Variants in GPHN observed in about 807,000 individuals in gnomAD.
GPHN encodes gephyrin.
Under a neutral mutation model 95.5 loss-of-function variants are expected in GPHN, and 17 were observed. The observed-to-expected ratio is 0.18, with a 90% CI of 0.12 to 0.27. The LOEUF (loss-of-function observed/expected upper bound fraction) is 0.27, where lower values mean the gene tolerates loss of function less well. Among genes scored for constraint, GPHN ranks in the 10% least tolerant of loss-of-function variants. The probability of loss-of-function intolerance (pLI) is 1.00; values close to 1 mark genes in which losing one functional copy is unlikely to be tolerated. For missense variants in GPHN, 660 were observed against 978.1 expected, an observed-to-expected ratio of 0.67 and a Z score of 4.34; for synonymous variants, 320 against 322.5, an observed-to-expected ratio of 0.99 and a Z score of 0.08.
At chr14:67,572,351 C>A in the GPHN span, 2 of 1,290,068 alleles carry the variant, frequency 1.6e-6, no homozygotes, top group African/African-American at 1.5e-5. Flanking sequence ...CAGCACAAGA[C>A]ATAGGCAGTA....
chr14:67,484,756 T>G, the GPHN span, among the ~76,000 whole-genome samples: 1 of 152,092 alleles, frequency 6.6e-6, no homozygotes, highest in South Asian at 2.1e-4. Context: ...AGACCTCATT[T>G]CTAATAAAGA....
the GPHN span, among the ~76,000 whole-genome samples, chr14:67,297,827 G>T: frequency 6.6e-6 from 1 of 152,188 alleles, no homozygotes; most frequent in Non-Finnish European, 1.5e-5. Context: ...CCAATAGTCA[G>T]ATATGAAGCT....
the GPHN span, chr14:67,674,570 C>A: frequency 7.9e-7 from 1 of 1,264,264 alleles, no homozygotes; most frequent in South Asian, 1.6e-5. Flanking sequence ...GCCGCCCAGC[C>A]CAGTGGCCAT....
chr14:67,297,105 A>G, the GPHN span, among the ~76,000 whole-genome samples: 12 of 152,340 alleles, frequency 7.9e-5, no homozygotes, highest in Middle Eastern at 3.4e-3. Context: ...CTTTGGGGGA[A>G]AAAAAGAAAA....
the GPHN span, among the ~76,000 whole-genome samples, chr14:67,436,483 A>G: frequency 6.6e-6 from 1 of 152,098 alleles, no homozygotes; most frequent in Admixed American, 6.5e-5. Flanking sequence ...TCTAGGTGGT[A>G]CCCAGTCTTC....
At chr14:67,646,856 C>G in the GPHN span, 1 of 1,389,458 alleles carries the variant, frequency 7.2e-7, no homozygotes, top group Admixed American at 1.7e-5. Context: ...ACCCTCTCCC[C>G]CAAATACATA....
the GPHN span, among the ~76,000 whole-genome samples, chr14:67,453,709 T>A: frequency 1.3e-5 from 2 of 151,946 alleles, no homozygotes; most frequent in Non-Finnish European, 2.9e-5. Context: ...GAGTCAGAAA[T>A]GTGCATGTAG....
chr14:67,032,620 C>T (rs968713127), intron 10 of GPHN, among the ~76,000 whole-genome samples: 2 of 152,090 alleles, frequency 1.3e-5, no homozygotes, highest in African/African-American at 4.8e-5. Context: ...CAGACAGACA[C>T]CATTGAGAGC....
chr14:66,985,756 AT>A, intron 9 of GPHN: 3 of 1,478,854 alleles, frequency 2.0e-6, no homozygotes, highest in Admixed American at 2.0e-5. Context: ...TGTTTCTAAC[AT>A]TTTTTGGCAA....
the GPHN span, chr14:67,292,771 G>A: frequency 1.4e-6 from 2 of 1,392,366 alleles, no homozygotes; most frequent in African/African-American, 1.4e-5. Flanking sequence ...AGTAGTGGCA[G>A]GAAGGCAGGA....
intron 11 of GPHN, among the ~76,000 whole-genome samples, chr14:67,083,711 T>C (rs2153664510): frequency 6.6e-6 from 1 of 152,270 alleles, no homozygotes; most frequent in Middle Eastern, 3.4e-3. Flanking sequence ...ATAACGGATG[T>C]AGACTGGCAG....
rs202004253 is a variant in GPHN at position 66,678,283 on chromosome 14, A to AT, written c.65-2815dup. 5.5e-3 allele frequency among the ~76,000 whole-genome samples: 828 copies of AT among 151,030 alleles called. 2 individuals carry two copies. The highest frequency in any genetic ancestry group is 0.019 in the African/African-American group (790 of 41,188). On this transcript the variant is annotated intron_variant, in intron 1 of 22. Coordinates refer to ENST00000478722, the MANE Select transcript of GPHN (RefSeq NM_020806.5). ...TGTAGGTTTATTCATTCTTTTTTAA[A>AT]TTTTTTTTTCCTTTTGTCTGGGTTA... is the stretch of plus-strand genomic sequence containing the variant.
chr14:67,284,429 T>TAAA, the GPHN span, among the ~76,000 whole-genome samples: 22 of 92,676 alleles, frequency 2.4e-4, no homozygotes, highest in Non-Finnish European at 3.3e-4. Context: ...CCCTATCTCT[T>TAAA]AAAAAAAAAA....
chr14:67,586,311 C>G, the GPHN span: 1 of 1,249,414 alleles, frequency 8.0e-7, no homozygotes, highest in Non-Finnish European at 1.1e-6. Flanking sequence ...TTGGAGGGAA[C>G]TAACTCTGGC....
chr14:67,572,276 G>A, the GPHN span: 1 of 1,594,714 alleles, frequency 6.3e-7, no homozygotes. Flanking sequence ...GGCCTGGGCG[G>A]GGTGAGCCGG....
intron 12 of GPHN, among the ~76,000 whole-genome samples, chr14:67,100,486 C>A (rs953711251): frequency 6.6e-6 from 1 of 152,134 alleles, no homozygotes; most frequent in Admixed American, 6.5e-5. Context: ...TGTACACACA[C>A]ACATCACACA....
the GPHN span, among the ~76,000 whole-genome samples, chr14:67,367,773 C>A: frequency 1.3e-5 from 2 of 151,498 alleles, no homozygotes; most frequent in South Asian, 4.2e-4. Flanking sequence ...GAGGCGGAGG[C>A]TGCAGTGAGC....
At chr14:66,634,426 G>A (rs72726430) in intron 1 of GPHN, among the ~76,000 whole-genome samples, 5,898 of 152,176 alleles carry the variant, frequency 0.039, 173 homozygotes, top group Middle Eastern at 0.065. Context: ...GTTGTTTGTG[G>A]AGATTGTGGT....
intron 2 of GPHN, among the ~76,000 whole-genome samples, chr14:66,694,348 T>C (rs903894059): frequency 6.6e-6 from 1 of 152,162 alleles, no homozygotes; most frequent in African/African-American, 2.4e-5. Context: ...CAGTGAGAAA[T>C]AAACTTCTTT....
Sources: gnomAD v4.1 joint callset for allele counts (sites outside exome capture counted in the v4.1 genomes callset) on GRCh38, gnomAD v4.1.1 for gene constraint, MANE v1.5 for transcripts, NCBI Gene and HGNC (gene_info 2026-07-23, HGNC 2026-07-21) for gene names.